Variants in SLC16A1 observed in about 807,000 individuals in gnomAD.
SLC16A1 encodes the protein solute carrier family 16 member 1, also known as monocarboxylate transporter 1.
SLC16A1 carries 11 observed loss-of-function variants against 32.2 expected under a neutral mutation model. The ratio of observed to expected loss-of-function variants is 0.34; its 90% confidence interval spans 0.21 to 0.56. The LOEUF is 0.56. Ranked by LOEUF, SLC16A1 falls within the 20% of genes least tolerant of loss-of-function variation. The pLI is 0.87. For missense variants in SLC16A1, 435 were observed against 615.0 expected (o/e 0.71, Z 3.10); for synonymous variants, 231 against 226.8 (o/e 1.02, Z -0.17).
intron 4 of SLC16A1, among the ~76,000 whole-genome samples, chr1:112,915,408 T>G (rs1182677179): frequency 6.6e-6 from 1 of 152,076 alleles, no homozygotes; most frequent in Non-Finnish European, 1.5e-5. Flanking sequence ...AAGGGCCAGG[T>G]TGCTGGGGCA....
At chr1:112,923,606 G>A (rs1648820330) in intron 2 of SLC16A1, 1 of 1,405,200 alleles carries the variant, frequency 7.1e-7, no homozygotes, top group Non-Finnish European at 1.0e-6. Flanking sequence ...GGAACTCCCT[G>A]AAACCTGACA....
intron 3 of SLC16A1, among the ~76,000 whole-genome samples, chr1:112,920,071 A>G (rs1648668390): frequency 6.6e-6 from 1 of 152,202 alleles, no homozygotes; most frequent in African/African-American, 2.4e-5. Context: ...AATATTTCAT[A>G]AATAAATTAA....
intron 1 of SLC16A1, among the ~76,000 whole-genome samples, chr1:112,937,917 A>G (rs934842919): frequency 3.9e-5 from 6 of 152,192 alleles, no homozygotes; most frequent in African/African-American, 7.2e-5. Flanking sequence ...AATGACGGTG[A>G]TAAGAATCAC....
intron 1 of SLC16A1, among the ~76,000 whole-genome samples, chr1:112,946,792 A>T (rs1484219138): frequency 6.6e-6 from 1 of 152,236 alleles, no homozygotes; most frequent in Non-Finnish European, 1.5e-5. Flanking sequence ...ACCTCAGATG[A>T]TCCACCCAAC....
At chr1:112,923,429 C>T (rs371267867) in intron 2 of SLC16A1, 15 of 677,632 alleles carry the variant, frequency 2.2e-5, no homozygotes, top group African/African-American at 1.2e-4. Context: ...CATCATGTCC[C>T]GGCCCTCCAC....
At chr1:112,918,103 A>C in intron 3 of SLC16A1, 59 bp from the exon 4 acceptor site, 1 of 940,992 alleles carries the variant, frequency 1.1e-6, no homozygotes, top group Non-Finnish European at 1.4e-6. Context: ...TAAATAAATA[A>C]TAAGAGGTAT....
chr1:112,951,163 T>C (rs1447329006), intron 1 of SLC16A1, among the ~76,000 whole-genome samples: 1 of 152,046 alleles, frequency 6.6e-6, no homozygotes, highest in African/African-American at 2.4e-5. Flanking sequence ...CCATTCATTG[T>C]AAAAATCTCC....
intron 1 of SLC16A1, among the ~76,000 whole-genome samples, chr1:112,936,982 AG>A (rs780752453): frequency 6.6e-6 from 1 of 152,254 alleles, no homozygotes; most frequent in Non-Finnish European, 1.5e-5. Context: ...GCTATTTAAC[AG>A]GTCAGCTCTG....
intron 1 of SLC16A1, among the ~76,000 whole-genome samples, chr1:112,953,084 T>C (rs1649953064): frequency 6.6e-6 from 1 of 151,860 alleles, no homozygotes; most frequent in Admixed American, 6.6e-5. Flanking sequence ...CTGTTCTCCA[T>C]ATTGCATCCA....
intron 1 of SLC16A1, among the ~76,000 whole-genome samples, chr1:112,939,211 C>T (rs1360489398): frequency 6.6e-6 from 1 of 152,108 alleles, no homozygotes; most frequent in East Asian, 1.9e-4. Context: ...TTTTTAAAGA[C>T]AGCAGATTTC....
chr1:112,945,324 C>T (rs1649659983), intron 1 of SLC16A1, among the ~76,000 whole-genome samples: 1 of 151,956 alleles, frequency 6.6e-6, no homozygotes, highest in South Asian at 2.1e-4. Flanking sequence ...TCTAGTTCCA[C>T]AATGCTGTTT....
intron 1 of SLC16A1, among the ~76,000 whole-genome samples, chr1:112,950,321 G>A (rs1380937023): frequency 6.6e-6 from 1 of 152,080 alleles, no homozygotes; most frequent in East Asian, 1.9e-4. Flanking sequence ...CAAAGGCCCT[G>A]TTACCTCCAA....
Position 112,913,800 on chromosome 1 carries a change from A to T in SLC16A1, c.*91T>A. On this transcript the variant is annotated 3_prime_UTR_variant, in exon 5 of 5. Transcript: ENST00000369626. ...TTCCACACAAATGTCTACTATTTGC[A>T]TTGAGCACCACTGGTAGATTACAGG... is the stretch of plus-strand genomic sequence containing the variant. The T allele has an allele frequency of 6.8e-7, 1 of 1,468,986 alleles. No individual in the cohort carries two copies. Among genetic ancestry groups the T allele is most frequent in the Non-Finnish European group, 9.5e-7 (1 of 1,051,414 alleles). The allele number at this position is 1,468,986 out of a possible 1,614,324, so 91.0% of individuals were successfully genotyped here.
intron 1 of SLC16A1, among the ~76,000 whole-genome samples, chr1:112,954,468 T>G (rs1650007818): frequency 6.6e-6 from 1 of 152,216 alleles, no homozygotes; most frequent in Non-Finnish European, 1.5e-5. Flanking sequence ...AGCTGGTCAT[T>G]AGGATCCTTT....
At chr1:112,954,937 G>A (rs1437786721) in intron 1 of SLC16A1, among the ~76,000 whole-genome samples, 2 of 152,100 alleles carry the variant, frequency 1.3e-5, no homozygotes, top group African/African-American at 4.8e-5. Flanking sequence ...CATAGTCTTT[G>A]CATCACCTCA....
At chr1:112,916,085 C>G (rs1028133713) in intron 4 of SLC16A1, among the ~76,000 whole-genome samples, 2 of 151,600 alleles carry the variant, frequency 1.3e-5, no homozygotes, top group Admixed American at 6.6e-5. Flanking sequence ...TGAGATACAA[C>G]AGGAGATACA....
At chr1:112,914,808 T>C (rs1428378961) in intron 4 of SLC16A1, among the ~76,000 whole-genome samples, 1 of 152,232 alleles carries the variant, frequency 6.6e-6, no homozygotes, top group African/African-American at 2.4e-5. Context: ...AAGCATGTGC[T>C]ACAAGGATAC....
chr1:112,939,663 G>A (rs1394619075), intron 1 of SLC16A1, among the ~76,000 whole-genome samples: 3 of 152,046 alleles, frequency 2.0e-5, no homozygotes, highest in Non-Finnish European at 4.4e-5. Context: ...GTGCCACCAT[G>A]CCGGCCTAAT....
At position 112,913,592 on chromosome 1, in the gene SLC16A1, T is replaced by C; in HGVS notation, c.*299A>G. 1 of 387,498 alleles carries C rather than the reference T, an allele frequency of 2.6e-6. No homozygotes were observed. Among genetic ancestry groups the C allele is most frequent in the South Asian group, 3.0e-5 (1 of 32,930 alleles). The allele number at this position is 387,498 out of a possible 1,614,324, so 24.0% of individuals were successfully genotyped here. ...AAGAAGTTAAGGCTCTCTAGAGTTC[T>C]AAAGACTAAAACTTAAGGCACATAT... On this transcript the variant is annotated 3_prime_UTR_variant, in exon 5 of 5. Transcript: ENST00000369626.
Sources: allele counts gnomAD v4.1 joint callset (sites outside exome capture counted in the v4.1 genomes callset), GRCh38; gene constraint gnomAD v4.1.1; transcripts MANE v1.5; gene names NCBI Gene and HGNC (gene_info 2026-07-23, HGNC 2026-07-21).